Variants in TLL1 observed in about 807,000 individuals in gnomAD.
TLL1 encodes tolloid like 1.
In TLL1, 49 loss-of-function variants were observed where a neutral mutation model predicts 128.2. That is an observed-to-expected ratio of 0.38 (90% CI 0.30 to 0.48). The LOEUF is 0.48. Ranked by LOEUF, TLL1 falls within the 20% of genes least tolerant of loss-of-function variation. The pLI is 0.96. For missense variants in TLL1, 1,123 were observed against 1,242.0 expected, an observed-to-expected ratio of 0.90 and a Z score of 1.44; for synonymous variants, 454 against 418.8, an observed-to-expected ratio of 1.08 and a Z score of -1.03.
At chr4:165,967,467 A>C (rs1447814416) in intron 1 of TLL1, among the ~76,000 whole-genome samples, 1 of 152,234 alleles carries the variant, frequency 6.6e-6, no homozygotes, top group African/African-American at 2.4e-5. Flanking sequence ...CAGGCATAAG[A>C]AATTATAAAA....
At chr4:165,966,807 A>G (rs966458570) in intron 1 of TLL1, among the ~76,000 whole-genome samples, 1 of 152,174 alleles carries the variant, frequency 6.6e-6, no homozygotes, top group Non-Finnish European at 1.5e-5. Flanking sequence ...GCAGAGAGAG[A>G]TCACAGGACC....
In TLL1 at chr4:165,994,552, G is replaced by A; in HGVS notation, c.514+19G>A. The A allele has an allele frequency of 3.7e-6, 6 of 1,613,442 alleles. No homozygotes were observed. Among genetic ancestry groups the A allele is most frequent in the Non-Finnish European group, 5.1e-6 (6 of 1,179,492 alleles). On this transcript the variant is annotated intron_variant, in intron 4 of 20. Transcript: ENST00000061240. ...TTCACTGGTAAGATACTCCCAGCATGTCTGTTTTCATAAAGAAATAAAAAC... is the reference window on the plus strand; with the variant it reads ...TTCACTGGTAAGATACTCCCAGCATATCTGTTTTCATAAAGAAATAAAAAC...
intron 18 of TLL1, among the ~76,000 whole-genome samples, chr4:166,078,622 G>A (rs1741144709): frequency 6.6e-6 from 1 of 152,064 alleles, no homozygotes; most frequent in Non-Finnish European, 1.5e-5. Context: ...TTTGCATTCT[G>A]CATTCTGGCC....
At chr4:166,069,135 C>A (rs1303790800) in intron 16 of TLL1, among the ~76,000 whole-genome samples, 1 of 151,608 alleles carries the variant, frequency 6.6e-6, no homozygotes, top group Non-Finnish European at 1.5e-5. Flanking sequence ...TTATAGACAC[C>A]TATTTCTTCA....
At chr4:165,967,009 G>T (rs183901862) in intron 1 of TLL1, among the ~76,000 whole-genome samples, 15 of 152,180 alleles carry the variant, frequency 9.9e-5, no homozygotes, top group Non-Finnish European at 1.9e-4. Context: ...TCCCTTATCT[G>T]CAACCGTGTA....
chr4:165,981,852 G>T (rs1033724358), intron 1 of TLL1, among the ~76,000 whole-genome samples: 15 of 151,962 alleles, frequency 9.9e-5, no homozygotes, highest in African/African-American at 3.6e-4. Flanking sequence ...TCATCTCTGT[G>T]TGCCATTGCA....
chr4:166,073,478 T>C (rs1453647518), intron 16 of TLL1, among the ~76,000 whole-genome samples: 1 of 152,190 alleles, frequency 6.6e-6, no homozygotes, highest in African/African-American at 2.4e-5. Flanking sequence ...AATAATTTTC[T>C]TTATTCTGCT....
intron 1 of TLL1, among the ~76,000 whole-genome samples, chr4:165,985,960 A>T (rs1306275365): frequency 6.6e-6 from 1 of 151,888 alleles, no homozygotes; most frequent in African/African-American, 2.4e-5. Context: ...AACAGATAGT[A>T]AATATTCTAA....
Position 166,030,431 on chromosome 4 carries a change from T to A in TLL1, c.1158+5000T>A, listed in dbSNP as rs919608579. The A allele has an allele frequency of 1.2e-5, 7 of 563,936 alleles. No homozygotes were observed. The Middle Eastern group carries it at 1.0e-3, about 83-fold the overall frequency. The allele number at this position is 563,936 out of a possible 1,614,324, so 34.9% of individuals were successfully genotyped here. ...GCACTGATTAGAGATATGATTTGCA[T>A]ATATTTTCTCCTCCTTCACAGGTTG... On this transcript the variant is annotated intron_variant, in intron 9 of 20. Transcript: ENST00000061240.
chr4:166,039,112 C>T (rs1205840923), intron 9 of TLL1, among the ~76,000 whole-genome samples: 2 of 152,066 alleles, frequency 1.3e-5, no homozygotes, highest in Non-Finnish European at 2.9e-5. Context: ...TGTTCAACTA[C>T]TCATATTGTA....
At chr4:165,911,150 T>G (rs1314919910) in intron 1 of TLL1, among the ~76,000 whole-genome samples, 3 of 152,166 alleles carry the variant, frequency 2.0e-5, no homozygotes, top group Non-Finnish European at 4.4e-5. Context: ...TATCTAACTG[T>G]GTTTTGTTGC....
intron 19 of TLL1, among the ~76,000 whole-genome samples, chr4:166,097,532 G>A (rs547090199): frequency 7.9e-5 from 12 of 152,216 alleles, no homozygotes; most frequent in African/African-American, 2.4e-4. Context: ...TCACACAAAG[G>A]TCTCTGAATT....
At chr4:166,033,890 G>T (rs946119419) in intron 9 of TLL1, among the ~76,000 whole-genome samples, 1 of 152,114 alleles carries the variant, frequency 6.6e-6, no homozygotes, top group East Asian at 1.9e-4. Context: ...AGGGCAGATT[G>T]CTTATGTCTT....
chr4:165,921,301 G>A (rs1041772688), intron 1 of TLL1, among the ~76,000 whole-genome samples: 35 of 152,172 alleles, frequency 2.3e-4, no homozygotes, highest in African/African-American at 8.0e-4. Flanking sequence ...CTTAGAGATG[G>A]TTGTCTTTTT....
chr4:166,081,295 A>G (rs1741272330), intron 18 of TLL1, among the ~76,000 whole-genome samples: 1 of 152,072 alleles, frequency 6.6e-6, no homozygotes, highest in African/African-American at 2.4e-5. Context: ...TAGGGGTGGC[A>G]GGGTTTTCTG....
intron 1 of TLL1, among the ~76,000 whole-genome samples, chr4:165,926,741 G>A (rs1733287028): frequency 6.6e-6 from 1 of 152,128 alleles, no homozygotes; most frequent in Non-Finnish European, 1.5e-5. Context: ...AAAGTCAGGA[G>A]CTAGAAGCCA....
At chr4:165,966,223 G>A (rs2134574) in intron 1 of TLL1, among the ~76,000 whole-genome samples, 1 of 149,404 alleles carries the variant, frequency 6.7e-6, no homozygotes, top group African/African-American at 2.5e-5. Context: ...GGGAGCACTA[G>A]CAAACCACCT....
At chr4:166,013,077 C>T (rs1481020731) in intron 7 of TLL1, among the ~76,000 whole-genome samples, 1 of 151,720 alleles carries the variant, frequency 6.6e-6, no homozygotes, top group African/African-American at 2.4e-5. Context: ...TTCTTTCTGT[C>T]TGGAAACACT....
At chr4:166,068,118 T>G (rs1740656615) in intron 16 of TLL1, among the ~76,000 whole-genome samples, 1 of 151,848 alleles carries the variant, frequency 6.6e-6, no homozygotes, top group Non-Finnish European at 1.5e-5. Flanking sequence ...TTTTTCAGAT[T>G]GATATTTAAA....
Sources: gnomAD v4.1 joint callset for allele counts (sites outside exome capture counted in the v4.1 genomes callset) on GRCh38, gnomAD v4.1.1 for gene constraint, MANE v1.5 for transcripts, NCBI Gene and HGNC (gene_info 2026-07-23, HGNC 2026-07-21) for gene names.